The following ARL10 variants were observed in gnomAD, a reference collection of about 807,000 sequenced individuals.
ARL10 encodes the protein ARF like GTPase 10, also known as ADP-ribosylation factor-like protein 10.
ARL10 carries 23 observed loss-of-function variants against 26.1 expected under a neutral mutation model. That is an observed-to-expected ratio of 0.88 (90% CI 0.63 to 1.25). ARL10 has a LOEUF of 1.25. Ranked by LOEUF, ARL10 falls within the 50% of genes most tolerant of loss-of-function variation. ARL10 has a pLI of 0.00. For missense variants in ARL10, 300 were observed against 323.6 expected, an observed-to-expected ratio of 0.93 and a Z score of 0.56; for synonymous variants, 138 against 149.1, an observed-to-expected ratio of 0.93 and a Z score of 0.54.
downstream of ARL10, among the ~76,000 whole-genome samples, chr5:176,383,383 C>T (rs1313713883): frequency 2.0e-5 from 3 of 152,210 alleles, no homozygotes; most frequent in Non-Finnish European, 4.4e-5. Context: ...TGCTTGTGAT[C>T]CTGCTGCATT....
chr5:176,409,977 T>C, the ARL10 span, among the ~76,000 whole-genome samples: 71,478 of 151,968 alleles, frequency 0.47, 17,572 homozygotes, highest in African/African-American at 0.62. Context: ...CATCTCATGC[T>C]GCTGTGGGCC....
rs938980113 is a variant in ARL10, at chr5:176,374,001, T to G, written c.*2106T>G. On this transcript the variant is annotated 3_prime_UTR_variant, in exon 4 of 4. Transcript: ENST00000310389. ...AGCCCCACAATGTGTGTAGGCTACA[T>G]TTATAGCCAGAGAAACGAAAATAAC... 3 of 152,332 alleles carry G rather than the reference T, an allele frequency of 2.0e-5. No individual in the cohort carries two copies. Among genetic ancestry groups the G allele is most frequent in the East Asian group, 1.9e-4 (1 of 5,186 alleles). 9.4% of individuals were successfully genotyped at this position (152,332 alleles called of 1,614,324 possible). A position where few individuals can be genotyped will look rare whatever the true frequency, so the allele number is the denominator to read the frequency against.
chr5:176,391,136 A>T (rs1459291980), downstream of ARL10, among the ~76,000 whole-genome samples: 3 of 152,148 alleles, frequency 2.0e-5, no homozygotes, highest in African/African-American at 7.2e-5. Flanking sequence ...AGGGCCAGCT[A>T]AGTTGCTTGC....
chr5:176,408,882 G>A, the ARL10 span, among the ~76,000 whole-genome samples: 7 of 152,246 alleles, frequency 4.6e-5, no homozygotes, highest in Admixed American at 2.0e-4. Flanking sequence ...CCCAGTGAAA[G>A]TGAATGCCCC....
chr5:176,386,684 C>G (rs185917639), downstream of ARL10: 53 of 737,914 alleles, frequency 7.2e-5, no homozygotes, highest in African/African-American at 6.7e-4. Flanking sequence ...AATGAGCCAG[C>G]CAGGACACAG....
At chr5:176,390,999 C>A (rs1756249396), downstream of ARL10, among the ~76,000 whole-genome samples, 1 of 152,126 alleles carries the variant, frequency 6.6e-6, no homozygotes, top group African/African-American at 2.4e-5. Context: ...ATTTGAGGAC[C>A]TGCGCTCTTC....
At chr5:176,407,236 C>T in the ARL10 span, among the ~76,000 whole-genome samples, 1 of 152,172 alleles carries the variant, frequency 6.6e-6, no homozygotes, top group Non-Finnish European at 1.5e-5. Context: ...ACTTTGCATT[C>T]ACCACTTCAC....
intron 3 of ARL10, among the ~76,000 whole-genome samples, chr5:176,371,477 G>C (rs1454703819): frequency 1.3e-5 from 2 of 152,224 alleles, no homozygotes; most frequent in Non-Finnish European, 2.9e-5. Context: ...GGGGTCCAGA[G>C]GCTACTTCTG....
downstream of ARL10, chr5:176,388,909 G>C (rs762926492): frequency 5.0e-6 from 8 of 1,614,078 alleles, no homozygotes; most frequent in East Asian, 1.8e-4. Context: ...CTGTTTACAG[G>C]AATCCAGAGA....
downstream of ARL10, among the ~76,000 whole-genome samples, chr5:176,403,329 C>A (rs544585720): frequency 1.3e-5 from 2 of 151,908 alleles, no homozygotes; most frequent in African/African-American, 2.4e-5. Context: ...GGATTACAGG[C>A]GTGAGCTACT....
intron 1 of ARL10, among the ~76,000 whole-genome samples, chr5:176,394,616 C>T (rs1280656144): frequency 5.3e-5 from 8 of 151,720 alleles, no homozygotes; most frequent in Non-Finnish European, 7.4e-5. Context: ...AGATGGAGAG[C>T]ATCCTGGCTA....
At chr5:176,388,877 G>T (rs746644988), downstream of ARL10, 1 of 1,614,192 alleles carries the variant, frequency 6.2e-7, no homozygotes, top group Admixed American at 1.7e-5. Context: ...GAAGCCTCCA[G>T]TCATTGAGGG....
At position 176,365,757 on chromosome 5, in the gene ARL10, G is replaced by A; in HGVS notation, c.183+11G>A. 1 of 1,234,620 alleles carries A rather than the reference G, an allele frequency of 8.1e-7. No individual in the cohort carries two copies. The highest frequency in any genetic ancestry group is 4.0e-5 in the South Asian group (1 of 24,838). The allele number at this position is 1,234,620 out of a possible 1,614,324, so 76.5% of individuals were successfully genotyped here. On this transcript the variant is annotated intron_variant, in intron 1 of 3. Transcript: ENST00000310389. ...TGGGACGAGTGGGACGTGAGTGCCG[G>A]GCCGAGGCCTGCGGAAGGGCGGGCA...
the ARL10 span, among the ~76,000 whole-genome samples, chr5:176,407,160 G>T: frequency 3.3e-5 from 5 of 152,314 alleles, no homozygotes; most frequent in Middle Eastern, 0.017. Context: ...CTGACAGGTC[G>T]GGAGGGAGAA....
Position 176,368,176 on chromosome 5 carries a change from G to A in ARL10, c.386-631G>A. 1 of 397,726 alleles carries A rather than the reference G, an allele frequency of 2.5e-6. No homozygotes were observed. Among genetic ancestry groups the A allele is most frequent in the South Asian group, 2.0e-5 (1 of 50,054 alleles). 24.6% of individuals were successfully genotyped at this position (397,726 alleles called of 1,614,324 possible). ...GAGGAAAAGAAAGGTGATCCAGGCT[G>A]GGGGACTGTGTTGGCAACCATGTGT... is the stretch of plus-strand genomic sequence containing the variant. On this transcript the variant is annotated intron_variant, in intron 2 of 3. Coordinates refer to ENST00000310389, the MANE Select transcript of ARL10 (RefSeq NM_173664.6). This position sits in a 1 kb window ranked among gnomAD's most constrained non-coding sequence, Gnocchi z 4.1.
rs1478018317 is a variant in ARL10, at chr5:176,379,042, C to T, written c.*7147C>T. On this transcript the variant is annotated 3_prime_UTR_variant, in exon 4 of 4. Coordinates refer to ENST00000310389, the MANE Select transcript of ARL10 (RefSeq NM_173664.6). Reference sequence around the variant, plus strand: ...AAAACCAGATCAGATGAACCCTTTACCAATCTGGGGGTTGCTGCCACTGCC... The same window carrying T: ...AAAACCAGATCAGATGAACCCTTTATCAATCTGGGGGTTGCTGCCACTGCC... 2.6e-5 allele frequency: 4 copies of T among 152,108 alleles called. No individual in the cohort carries two copies. Among genetic ancestry groups the T allele is most frequent in the Admixed American group, 2.0e-4 (3 of 15,264 alleles). The allele number at this position is 152,108 out of a possible 1,614,324, so 9.4% of individuals were successfully genotyped here. A position where few individuals can be genotyped will look rare whatever the true frequency, so the allele number is the denominator to read the frequency against.
chr5:176,367,702 C>T (rs1768365644), intron 2 of ARL10, among the ~76,000 whole-genome samples: 1 of 152,244 alleles, frequency 6.6e-6, no homozygotes, highest in Admixed American at 6.5e-5. Flanking sequence ...TTTCCTCTGC[C>T]TCTTCCCATG....
Position 176,375,259 on chromosome 5 carries a change from TCCAC to T in ARL10, c.*3368_*3371del. 7.8e-6 allele frequency: 1 copy of T among 128,572 alleles called. No homozygotes were observed. Among genetic ancestry groups the T allele is most frequent in the Non-Finnish European group, 1.6e-5 (1 of 62,272 alleles). 8.0% of individuals were successfully genotyped at this position (128,572 alleles called of 1,614,324 possible). Reference sequence around the variant, plus strand: ...ATCCATCCATCCATCCTTCCATCCATCCACCCATCCACCCATCCATCCATCCACC... The same window carrying T: ...ATCCATCCATCCATCCTTCCATCCATCCATCCACCCATCCATCCATCCACC... On this transcript the variant is annotated 3_prime_UTR_variant, in exon 4 of 4. Coordinates refer to ENST00000310389, the MANE Select transcript of ARL10 (RefSeq NM_173664.6).
intron 1 of ARL10, chr5:176,396,391 T>C: frequency 2.4e-6 from 3 of 1,225,498 alleles, no homozygotes; most frequent in Non-Finnish European, 3.6e-6. Flanking sequence ...GCCACACTCA[T>C]TTATATCCCA....
Sources: gnomAD v4.1 joint callset for allele counts (sites outside exome capture counted in the v4.1 genomes callset) on GRCh38, gnomAD v4.1.1 for gene constraint, Gnocchi (gnomAD v3.1) non-coding constraint, MANE v1.5 for transcripts, NCBI Gene and HGNC (gene_info 2026-07-23, HGNC 2026-07-21) for gene names.